KCNQ5: variants seen among roughly 807,000 people sequenced by gnomAD.
KCNQ5 encodes the protein potassium voltage-gated channel subfamily Q member 5.
A neutral mutation model predicts 98.2 loss-of-function variants in KCNQ5; 30 were observed. That is an observed-to-expected ratio of 0.31 (90% CI 0.23 to 0.41). The LOEUF is 0.41. Among genes scored for constraint, KCNQ5 ranks in the 10% least tolerant of loss-of-function variants. KCNQ5 has a pLI of 1.00. For missense variants in KCNQ5, 835 were observed against 1,182.5 expected (o/e 0.71, Z 4.31); for synonymous variants, 458 against 449.4 (o/e 1.02, Z -0.24).
chr6:72,810,107 C>A (rs749823444), intron 1 of KCNQ5, among the ~76,000 whole-genome samples: 3 of 152,188 alleles, frequency 2.0e-5, no homozygotes, highest in Non-Finnish European at 2.9e-5. Flanking sequence ...GTTATTAAAC[C>A]ATGTTCCGGT....
chr6:72,668,609 A>G (rs1290678781), intron 1 of KCNQ5, among the ~76,000 whole-genome samples: 1 of 151,984 alleles, frequency 6.6e-6, no homozygotes, highest in Non-Finnish European at 1.5e-5. Context: ...TGGTCAGGTC[A>G]GGCTGCCATA....
intron 3 of KCNQ5, among the ~76,000 whole-genome samples, chr6:73,061,589 G>A (rs1772784132): frequency 2.6e-5 from 4 of 152,118 alleles, no homozygotes. Flanking sequence ...GGATTTCCAT[G>A]TGCACCTCCT....
At chr6:72,838,788 A>C (rs1171135744) in intron 1 of KCNQ5, among the ~76,000 whole-genome samples, 6 of 151,024 alleles carry the variant, frequency 4.0e-5, no homozygotes, top group Non-Finnish European at 8.9e-5. Context: ...GTCTCTACTA[A>C]AAATACAAAA....
chr6:72,998,175 G>A (rs1769392299), intron 1 of KCNQ5, among the ~76,000 whole-genome samples: 1 of 152,204 alleles, frequency 6.6e-6, no homozygotes, highest in African/African-American at 2.4e-5. Flanking sequence ...TCCAGGCAAA[G>A]TGCTGTGCCA....
intron 1 of KCNQ5, among the ~76,000 whole-genome samples, chr6:72,821,050 C>T (rs533043892): frequency 6.6e-6 from 1 of 152,064 alleles, no homozygotes; most frequent in Non-Finnish European, 1.5e-5. Context: ...GTCTCACCAA[C>T]GACTATGTAG....
intron 1 of KCNQ5, among the ~76,000 whole-genome samples, chr6:72,958,806 T>TTC (rs1767207602): frequency 1.3e-5 from 2 of 152,212 alleles, no homozygotes; most frequent in Admixed American, 1.3e-4. Flanking sequence ...CAATACATTA[T>TTC]CTGAAAACAG....
intron 1 of KCNQ5, among the ~76,000 whole-genome samples, chr6:72,967,180 G>A (rs1265332895): frequency 6.6e-6 from 1 of 152,090 alleles, no homozygotes; most frequent in Non-Finnish European, 1.5e-5. Context: ...ATGACTCTTA[G>A]GGTTTTATTT....
chr6:72,749,804 CT>C (rs1448273796), intron 1 of KCNQ5, among the ~76,000 whole-genome samples: 1 of 151,976 alleles, frequency 6.6e-6, no homozygotes, highest in East Asian at 1.9e-4. Flanking sequence ...TTTGGTTTTT[CT>C]TTTCATAGGA....
Position 72,709,805 on chromosome 6 carries a change from CATTA to C in KCNQ5, c.398+87222_398+87225del, listed in dbSNP as rs554030225. 3.4e-4 allele frequency among the ~76,000 whole-genome samples: 52 copies of C among 152,184 alleles called. No homozygotes were observed. The East Asian group carries it at 8.5e-3, about 25-fold the overall frequency. ...AAATAACCATGCAAATAAATACACC[CATTA>C]ATTTATTAAAAAAATGTATATTGAG... On this transcript the variant is annotated intron_variant, in intron 1 of 13. Coordinates refer to ENST00000370398, the MANE Select transcript of KCNQ5 (RefSeq NM_019842.4).
At chr6:72,833,926 G>T (rs1460100977) in intron 1 of KCNQ5, among the ~76,000 whole-genome samples, 2 of 151,930 alleles carry the variant, frequency 1.3e-5, no homozygotes, top group African/African-American at 4.8e-5. Context: ...TTGGATGAAA[G>T]AAGCAATATA....
chr6:72,903,019 T>G (rs1779569135), intron 1 of KCNQ5, among the ~76,000 whole-genome samples: 1 of 152,190 alleles, frequency 6.6e-6, no homozygotes, highest in Non-Finnish European at 1.5e-5. Context: ...TGCTTGTTAT[T>G]GGTCTGTTTA....
chr6:72,854,747 CA>C (rs1466602291), intron 1 of KCNQ5, among the ~76,000 whole-genome samples: 11 of 107,320 alleles, frequency 1.0e-4, no homozygotes, highest in African/African-American at 3.4e-4. Context: ...CACACACACA[CA>C]CACCATGGTT....
chr6:72,743,117 T>C (rs1357653282), intron 1 of KCNQ5, among the ~76,000 whole-genome samples: 1 of 152,162 alleles, frequency 6.6e-6, no homozygotes, highest in Non-Finnish European at 1.5e-5. Flanking sequence ...CCATTTTAGG[T>C]GTATTTTGAG....
intron 1 of KCNQ5, among the ~76,000 whole-genome samples, chr6:72,977,118 C>T (rs1015222190): frequency 2.6e-5 from 4 of 152,152 alleles, no homozygotes; most frequent in Admixed American, 1.3e-4. Flanking sequence ...TTTTAACTCT[C>T]TTTGGTATTT....
At chr6:73,190,751 C>G in intron 12 of KCNQ5, 47 bp downstream of exon 12, 1 of 1,361,118 alleles carries the variant, frequency 7.3e-7, no homozygotes, top group Non-Finnish European at 9.8e-7. Context: ...GGCATAGAAC[C>G]TATCTAGGAA....
intron 1 of KCNQ5, among the ~76,000 whole-genome samples, chr6:72,649,332 C>T (rs767505411): frequency 6.6e-6 from 1 of 152,162 alleles, no homozygotes; most frequent in Admixed American, 6.5e-5. Flanking sequence ...TGCATGATTA[C>T]ATAAATTTCC....
intron 5 of KCNQ5, among the ~76,000 whole-genome samples, chr6:73,087,114 A>G (rs1248750921): frequency 6.6e-6 from 1 of 152,238 alleles, no homozygotes; most frequent in Non-Finnish European, 1.5e-5. Context: ...AGATGGAAAT[A>G]AGAAAATGAT....
intron 1 of KCNQ5, among the ~76,000 whole-genome samples, chr6:72,893,748 T>C (rs947264145): frequency 3.3e-5 from 5 of 152,192 alleles, no homozygotes; most frequent in African/African-American, 1.2e-4. Flanking sequence ...TCCACGAACA[T>C]TCATTTATTT....
intron 1 of KCNQ5, among the ~76,000 whole-genome samples, chr6:72,766,209 G>C (rs1772562470): frequency 6.6e-6 from 1 of 152,006 alleles, no homozygotes; most frequent in African/African-American, 2.4e-5. Flanking sequence ...GAAGACCCTA[G>C]GATGGGAGTG....
Sources: allele counts gnomAD v4.1 joint callset (sites outside exome capture counted in the v4.1 genomes callset), GRCh38; gene constraint gnomAD v4.1.1; transcripts MANE v1.5; gene names NCBI Gene and HGNC (gene_info 2026-07-23, HGNC 2026-07-21).